Variants in AGBL1 observed in about 807,000 individuals in gnomAD.
AGBL1 encodes AGBL carboxypeptidase 1, also known as cytosolic carboxypeptidase 4.
Under a neutral mutation model 118.9 loss-of-function variants are expected in AGBL1, and 130 were observed. The observed-to-expected ratio is 1.09, with a 90% CI of 0.95 to 1.26. AGBL1 has a LOEUF of 1.26. AGBL1 is among the 50% of genes most tolerant of loss of function. The probability of loss-of-function intolerance (pLI) is 0.00; values close to 1 mark genes in which losing one functional copy is unlikely to be tolerated. For missense variants in AGBL1, 1,584 were observed against 1,298.1 expected (o/e 1.22, Z -3.38); for synonymous variants, 555 against 478.9 (o/e 1.16, Z -2.08).
intron 23 of AGBL1, among the ~76,000 whole-genome samples, chr15:86,925,690 T>C (rs1023642357): frequency 1.3e-5 from 2 of 150,434 alleles, no homozygotes; most frequent in African/African-American, 2.4e-5. Context: ...CTTCTTTTCT[T>C]TTTTTCTTTT....
At chr15:86,722,658 G>A (rs1420609001) in intron 22 of AGBL1, among the ~76,000 whole-genome samples, 3 of 152,166 alleles carry the variant, frequency 2.0e-5, no homozygotes, top group African/African-American at 4.8e-5. Flanking sequence ...TTGACAAATG[G>A]GATCTAATTA....
In AGBL1 at chr15:86,332,659, A is replaced by G. The variant is rs547169579; in HGVS notation, c.2374+37251A>G. 5.1e-3 allele frequency among the ~76,000 whole-genome samples: 774 copies of G among 151,900 alleles called. 6 individuals carry two copies. Among genetic ancestry groups the G allele is most frequent in the Non-Finnish European group, 8.7e-3 (589 of 67,920 alleles). On this transcript the variant is annotated intron_variant, in intron 17 of 22. Coordinates refer to ENST00000614907, the MANE Select transcript of AGBL1 (RefSeq NM_001386094.1). ...AGACTCCATCTCAAAAAAAAAAAAA[A>G]AAAAAGAAATTCTGGACTCAAATTT...
intron 5 of AGBL1, among the ~76,000 whole-genome samples, chr15:86,185,549 A>G (rs533619125): frequency 3.9e-5 from 6 of 152,312 alleles, no homozygotes; most frequent in African/African-American, 1.2e-4. Context: ...AACGTGGGAC[A>G]TATATACCAC....
At chr15:86,545,014 A>G (rs1002992573) in intron 19 of AGBL1, among the ~76,000 whole-genome samples, 3 of 152,172 alleles carry the variant, frequency 2.0e-5, no homozygotes, top group Non-Finnish European at 4.4e-5. Context: ...GTACTTACCT[A>G]CACCACTGAT....
rs191015557 is a variant in AGBL1 at position 86,730,834 on chromosome 15, T to C, written c.3158+56398T>C. On this transcript the variant is annotated intron_variant, in intron 22 of 22. Transcript: ENST00000614907. The stretch of plus-strand genomic sequence containing the variant: ...TACCTATTTTATTTTATTTTATTTA[T>C]TTATTTATTTTGAGATGGAGTCCCA... Among the ~76,000 whole-genome samples the C allele has an allele frequency of 1.7e-3, 266 of 152,244 alleles. 3 individuals are homozygous for C. In the East Asian group the frequency reaches 0.022, roughly 12 times the overall value.
chr15:86,177,466 A>C (rs1041242594), intron 5 of AGBL1, among the ~76,000 whole-genome samples: 1 of 152,220 alleles, frequency 6.6e-6, no homozygotes, highest in Admixed American at 6.5e-5. Context: ...TATTCATAGG[A>C]TACTTTACCC....
chr15:86,172,242 A>G (rs563090475), intron 5 of AGBL1, among the ~76,000 whole-genome samples: 2 of 152,360 alleles, frequency 1.3e-5, no homozygotes, highest in South Asian at 4.1e-4. Context: ...TTTTATTGGT[A>G]TATAGTAATT....
At chr15:86,384,975 A>G (rs1426630131) in intron 17 of AGBL1, among the ~76,000 whole-genome samples, 8 of 152,282 alleles carry the variant, frequency 5.3e-5, no homozygotes, top group South Asian at 2.1e-4. Context: ...AACTTTTACT[A>G]TTCAGCGTGG....
At chr15:86,387,943 G>A (rs1596052052) in intron 17 of AGBL1, among the ~76,000 whole-genome samples, 1 of 152,362 alleles carries the variant, frequency 6.6e-6, no homozygotes, top group African/African-American at 2.4e-5. Flanking sequence ...AAAAGGCAGA[G>A]TGCAAAGTTC....
intron 22 of AGBL1, among the ~76,000 whole-genome samples, chr15:86,828,922 A>G (rs1261072271): frequency 1.8e-5 from 2 of 108,406 alleles, no homozygotes; most frequent in South Asian, 2.9e-4. Context: ...AAGTATATAT[A>G]TATATATATA....
At chr15:87,001,968 A>G (rs1596727131) in intron 24 of AGBL1, among the ~76,000 whole-genome samples, 1 of 151,906 alleles carries the variant, frequency 6.6e-6, no homozygotes, top group Non-Finnish European at 1.5e-5. Context: ...GCTGTGCAGA[A>G]GCTCTTTAGT....
chr15:86,890,374 C>T (rs2080036115), intron 22 of AGBL1, among the ~76,000 whole-genome samples: 1 of 152,050 alleles, frequency 6.6e-6, no homozygotes, highest in Admixed American at 6.6e-5. Flanking sequence ...GTTTCTTTTG[C>T]CATGCAGAAG....
intron 24 of AGBL1, among the ~76,000 whole-genome samples, chr15:87,014,607 C>T (rs771032090): frequency 2.0e-5 from 3 of 152,116 alleles, no homozygotes; most frequent in Non-Finnish European, 2.9e-5. Flanking sequence ...TTCAGATTAA[C>T]GGATATGTGC....
chr15:86,449,569 T>C (rs2082167796), intron 18 of AGBL1, among the ~76,000 whole-genome samples: 1 of 152,244 alleles, frequency 6.6e-6, no homozygotes, highest in Admixed American at 6.5e-5. Flanking sequence ...TCTGTAAAAA[T>C]GTGGAGGATT....
At chr15:86,955,033 A>G (rs1024415579) in intron 23 of AGBL1, among the ~76,000 whole-genome samples, 4 of 152,110 alleles carry the variant, frequency 2.6e-5, no homozygotes, top group Admixed American at 6.5e-5. Context: ...AGAATCCTAC[A>G]AAAACATACT....
At chr15:87,011,663 A>T (rs938340806) in intron 24 of AGBL1, among the ~76,000 whole-genome samples, 4 of 152,214 alleles carry the variant, frequency 2.6e-5, no homozygotes, top group Non-Finnish European at 5.9e-5. Context: ...ACTGTAATGG[A>T]TTCCCAAAGG....
At chr15:86,956,375 A>T (rs2080932051) in intron 23 of AGBL1, among the ~76,000 whole-genome samples, 1 of 152,112 alleles carries the variant, frequency 6.6e-6, no homozygotes, top group East Asian at 1.9e-4. Flanking sequence ...AGAGGCAGAT[A>T]AAATGAAAGA....
chr15:87,008,188 A>G (rs1271143083), intron 24 of AGBL1, among the ~76,000 whole-genome samples: 5 of 152,160 alleles, frequency 3.3e-5, no homozygotes, highest in African/African-American at 1.2e-4. Context: ...CTTCCACCTG[A>G]TATTGATTGG....
chr15:86,753,397 C>CT (rs1555446759), intron 22 of AGBL1, among the ~76,000 whole-genome samples: 3,198 of 111,246 alleles, frequency 0.029, 184 homozygotes, highest in African/African-American at 0.092. Context: ...TTTTCTTTTT[C>CT]TTTTTTTTTT....
Sources: allele counts gnomAD v4.1 joint callset (sites outside exome capture counted in the v4.1 genomes callset), GRCh38; gene constraint gnomAD v4.1.1; transcripts MANE v1.5; gene names NCBI Gene and HGNC (gene_info 2026-07-23, HGNC 2026-07-21).